The following NRXN3 variants were observed in gnomAD, a reference collection of about 807,000 sequenced individuals.
The protein encoded by NRXN3 is neurexin III.
Under a neutral mutation model 137.6 loss-of-function variants are expected in NRXN3, and 32 were observed. The observed-to-expected ratio is 0.23, with a 90% CI of 0.18 to 0.31. NRXN3 has a LOEUF of 0.31. NRXN3 is among the 10% of genes least tolerant of loss of function. NRXN3 has a pLI of 1.00. For synonymous variants in NRXN3, 798 were observed against 784.5 expected, an observed-to-expected ratio of 1.02 and a Z score of -0.29; for missense variants, 1,574 against 2,062.5, an observed-to-expected ratio of 0.76 and a Z score of 4.59.
At chr14:79,116,515 A>C (rs1392424999) in intron 15 of NRXN3, among the ~76,000 whole-genome samples, 1 of 152,210 alleles carries the variant, frequency 6.6e-6, no homozygotes, top group African/African-American at 2.4e-5. Context: ...GACTACTCTG[A>C]GGCAGGGAGG....
At chr14:78,515,176 A>G in intron 4 of NRXN3, among the ~76,000 whole-genome samples, 1 of 152,166 alleles carries the variant, frequency 6.6e-6, no homozygotes, top group East Asian at 1.9e-4. Flanking sequence ...AACACTCACC[A>G]GGGGAATCAA....
intron 6 of NRXN3, among the ~76,000 whole-genome samples, chr14:78,707,480 T>G (rs1210740276): frequency 6.6e-6 from 1 of 152,164 alleles, no homozygotes; most frequent in Non-Finnish European, 1.5e-5. Context: ...AGAGTAAAAC[T>G]TTTTTGAAAT....
chr14:79,497,072 G>T (rs1208529579), intron 16 of NRXN3, among the ~76,000 whole-genome samples: 1 of 152,172 alleles, frequency 6.6e-6, no homozygotes, highest in Non-Finnish European at 1.5e-5. Context: ...TGTGATAAGT[G>T]GCAGAGCAGA....
At chr14:79,224,529 C>G (rs1410952364) in intron 15 of NRXN3, among the ~76,000 whole-genome samples, 3 of 152,138 alleles carry the variant, frequency 2.0e-5, no homozygotes, top group Admixed American at 2.0e-4. Context: ...GAGGGAATCA[C>G]TTACCTTAGC....
At chr14:78,554,629 T>A (rs1362296410) in intron 4 of NRXN3, among the ~76,000 whole-genome samples, 1 of 152,202 alleles carries the variant, frequency 6.6e-6, no homozygotes, top group African/African-American at 2.4e-5. Context: ...ATAGAGACCT[T>A]CTGAGTTGGC....
At chr14:79,261,640 TG>T (rs2077599683) in intron 15 of NRXN3, among the ~76,000 whole-genome samples, 1 of 64,192 alleles carries the variant, frequency 1.6e-5, no homozygotes, top group Non-Finnish European at 2.9e-5. Flanking sequence ...TGTGTGTGTG[TG>T]TGATGGGGTG....
At chr14:79,550,090 C>T (rs1226683303) in intron 16 of NRXN3, among the ~76,000 whole-genome samples, 2 of 152,036 alleles carry the variant, frequency 1.3e-5, no homozygotes, top group Non-Finnish European at 2.9e-5. Context: ...CTGCCTCAGC[C>T]TCCCGAATAG....
At chr14:79,797,441 C>T (rs1304946109) in intron 19 of NRXN3, among the ~76,000 whole-genome samples, 1 of 152,164 alleles carries the variant, frequency 6.6e-6, no homozygotes, top group Non-Finnish European at 1.5e-5. Context: ...ACATAGGATA[C>T]AAGGGTCACC....
intron 15 of NRXN3, among the ~76,000 whole-genome samples, chr14:79,131,281 G>C (rs1174493134): frequency 6.6e-6 from 1 of 152,052 alleles, no homozygotes; most frequent in Non-Finnish European, 1.5e-5. Flanking sequence ...CAGTTTTTCT[G>C]CTCTGTTTTT....
intron 10 of NRXN3, among the ~76,000 whole-genome samples, chr14:78,923,011 T>C (rs907656602): frequency 1.3e-5 from 2 of 152,230 alleles, no homozygotes; most frequent in Non-Finnish European, 2.9e-5. Flanking sequence ...TATTCCAGTC[T>C]GCTTCATTTA....
chr14:78,690,002 C>T (rs996392171), intron 6 of NRXN3, among the ~76,000 whole-genome samples: 4 of 152,106 alleles, frequency 2.6e-5, no homozygotes, highest in African/African-American at 9.7e-5. Flanking sequence ...ACCCTAGAGA[C>T]CTCAAAGCAA....
At chr14:78,359,271 C>T (rs1026616526) in intron 4 of NRXN3, among the ~76,000 whole-genome samples, 1 of 152,144 alleles carries the variant, frequency 6.6e-6, no homozygotes, top group Admixed American at 6.5e-5. Context: ...CTCAGCCCCC[C>T]AGAGAGTCTG....
At chr14:78,834,421 T>C (rs1029283186) in intron 10 of NRXN3, among the ~76,000 whole-genome samples, 5 of 151,968 alleles carry the variant, frequency 3.3e-5, no homozygotes, top group African/African-American at 1.2e-4. Flanking sequence ...ATTAAGAGAT[T>C]GGAAAGAAAG....
intron 8 of NRXN3, among the ~76,000 whole-genome samples, chr14:78,800,220 G>C (rs2098834585): frequency 6.6e-6 from 1 of 152,082 alleles, no homozygotes; most frequent in Non-Finnish European, 1.5e-5. Flanking sequence ...ATACAGCTGG[G>C]AGAATCAGAC....
At position 79,273,172 on chromosome 14, in the gene NRXN3, C is replaced by CAAA. The variant is rs1163073631; in HGVS notation, c.3263-194023_3263-194021dup. ...GGGCGGCAATGCAAGACTCTGTGGC[C>CAAA]AAAAAAAAAAAAAAAAAAAAAAAAA... On this transcript the variant is annotated intron_variant, in intron 15 of 20. Coordinates refer to ENST00000335750, the MANE Select transcript of NRXN3 (RefSeq NM_001330195.2). Among the ~76,000 whole-genome samples, 37 of 20,706 alleles carry CAAA rather than the reference C, an allele frequency of 1.8e-3. 1 individual carries two copies. Among genetic ancestry groups the CAAA allele is most frequent in the African/African-American group, 4.5e-3 (16 of 3,570 alleles). 13.6% of individuals were successfully genotyped at this position (20,706 alleles called of 152,430 possible). A position where few individuals can be genotyped will look rare whatever the true frequency, so the allele number is the denominator to read the frequency against.
intron 4 of NRXN3, among the ~76,000 whole-genome samples, chr14:78,301,452 G>A (rs774823296): frequency 4.6e-5 from 7 of 152,304 alleles, no homozygotes; most frequent in Non-Finnish European, 4.4e-5. Context: ...TTTGGGTAAC[G>A]CATCCATTTC....
intron 10 of NRXN3, among the ~76,000 whole-genome samples, chr14:78,879,987 C>T (rs1200908392): frequency 7.1e-6 from 1 of 141,472 alleles, no homozygotes; most frequent in Non-Finnish European, 1.5e-5. Flanking sequence ...CGCCTGTAAT[C>T]CCAGCACTTT....
intron 1 of NRXN3, among the ~76,000 whole-genome samples, chr14:78,193,051 GA>G (rs1246623702): frequency 6.6e-5 from 10 of 152,138 alleles, no homozygotes; most frequent in Non-Finnish European, 1.5e-4. Flanking sequence ...GTTCAATTCT[GA>G]GATAGTGGAT....
chr14:78,331,294 C>A (rs757991891), intron 4 of NRXN3, among the ~76,000 whole-genome samples: 2 of 152,256 alleles, frequency 1.3e-5, no homozygotes, highest in East Asian at 3.9e-4. Flanking sequence ...CTTTTTCTAT[C>A]ATACCCTTCT....
Sources: allele counts gnomAD v4.1 joint callset (sites outside exome capture counted in the v4.1 genomes callset), GRCh38; gene constraint gnomAD v4.1.1; transcripts MANE v1.5; gene names NCBI Gene and HGNC (gene_info 2026-07-23, HGNC 2026-07-21).